The following SUGCT variants were observed in gnomAD, a reference collection of about 807,000 sequenced individuals.
SUGCT encodes the protein succinyl-CoA:glutarate-CoA transferase.
SUGCT carries 41 observed loss-of-function variants against 55.0 expected under a neutral mutation model. The ratio of observed to expected loss-of-function variants is 0.74; its 90% CI spans 0.58 to 0.97. The LOEUF (loss-of-function observed/expected upper bound fraction) is 0.97. Ranked by LOEUF, SUGCT falls within the 50% of genes least tolerant of loss-of-function variation. The pLI, the probability that SUGCT is intolerant of heterozygous loss-of-function variation, is 0.00. For synonymous variants in SUGCT, 187 were observed against 200.4 expected, an observed-to-expected ratio of 0.93 and a Z score of 0.56; for missense variants, 568 against 547.8, an observed-to-expected ratio of 1.04 and a Z score of -0.37.
the SUGCT span, among the ~76,000 whole-genome samples, chr7:40,957,468 TTTTTG>T: frequency 1.6e-5 from 2 of 124,576 alleles, no homozygotes; most frequent in East Asian, 2.3e-4. Flanking sequence ...TTTTTTTTTT[TTTTTG>T]GCTTTCCATT....
intron 11 of SUGCT, among the ~76,000 whole-genome samples, chr7:40,474,346 G>A (rs1370892321): frequency 1.3e-5 from 2 of 152,026 alleles, no homozygotes; most frequent in African/African-American, 4.8e-5. Context: ...CAGATAAACA[G>A]TTTGCCATTT....
chr7:40,330,880 TG>T (rs1489981591), intron 9 of SUGCT, among the ~76,000 whole-genome samples: 1 of 152,218 alleles, frequency 6.6e-6, no homozygotes, highest in Non-Finnish European at 1.5e-5. Flanking sequence ...TCATTTATTC[TG>T]ATGTGATTCC....
intron 6 of SUGCT, among the ~76,000 whole-genome samples, chr7:40,208,347 T>G (rs928026030): frequency 1.9e-4 from 29 of 152,190 alleles, no homozygotes; most frequent in African/African-American, 6.8e-4. Flanking sequence ...TTTTTTGTTA[T>G]GTATATTTTG....
At chr7:40,450,488 A>C (rs763450946) in intron 10 of SUGCT, among the ~76,000 whole-genome samples, 4 of 151,042 alleles carry the variant, frequency 2.6e-5, no homozygotes, top group African/African-American at 9.7e-5. Context: ...AAAGATGACT[A>C]TGAGGGCCAG....
At chr7:40,382,106 AC>A (rs1232952161) in intron 9 of SUGCT, among the ~76,000 whole-genome samples, 2 of 152,014 alleles carry the variant, frequency 1.3e-5, no homozygotes, top group Non-Finnish European at 2.9e-5. Flanking sequence ...TTCAAAAAAC[AC>A]CTATAATATT....
the SUGCT span, among the ~76,000 whole-genome samples, chr7:40,916,944 G>A: frequency 6.6e-6 from 1 of 152,156 alleles, no homozygotes; most frequent in Non-Finnish European, 1.5e-5. Flanking sequence ...GAATCTATTG[G>A]TTCAAGTAAA....
intron 12 of SUGCT, among the ~76,000 whole-genome samples, chr7:40,665,268 G>A (rs1006825009): frequency 2.0e-5 from 3 of 150,892 alleles, no homozygotes; most frequent in African/African-American, 7.4e-5. Flanking sequence ...GTGAAACCCT[G>A]TCGCTACTAA....
intron 8 of SUGCT, among the ~76,000 whole-genome samples, chr7:40,300,752 T>G (rs1356900474): frequency 6.6e-6 from 1 of 152,218 alleles, no homozygotes; most frequent in East Asian, 1.9e-4. Flanking sequence ...GTTTGTGCCA[T>G]GTGGTCTGTT....
chr7:40,417,799 G>A (rs1787089251), intron 9 of SUGCT, among the ~76,000 whole-genome samples: 2 of 151,524 alleles, frequency 1.3e-5, no homozygotes, highest in South Asian at 4.2e-4. Context: ...ATGGTATTTT[G>A]AAACATGGGT....
chr7:40,278,931 A>G (rs980360545), intron 8 of SUGCT, among the ~76,000 whole-genome samples: 1 of 151,490 alleles, frequency 6.6e-6, no homozygotes, highest in African/African-American at 2.4e-5. Context: ...GGCTCAAACA[A>G]TCCTCCTTCC....
the SUGCT span, among the ~76,000 whole-genome samples, chr7:40,998,671 T>C: frequency 6.6e-5 from 10 of 152,200 alleles, no homozygotes; most frequent in Admixed American, 4.6e-4. Flanking sequence ...GCCTAGAGTA[T>C]TGGTGTCTTC....
intron 12 of SUGCT, among the ~76,000 whole-genome samples, chr7:40,641,865 G>A (rs1800285101): frequency 6.6e-6 from 1 of 152,166 alleles, no homozygotes; most frequent in Admixed American, 6.5e-5. Flanking sequence ...TGTGACACGG[G>A]TACCTGGCTG....
At chr7:40,821,295 G>T (rs1335322722) in intron 13 of SUGCT, among the ~76,000 whole-genome samples, 1 of 152,142 alleles carries the variant, frequency 6.6e-6, no homozygotes, top group Non-Finnish European at 1.5e-5. Flanking sequence ...GAGTAGGGAG[G>T]ATTCCCTCTT....
chr7:40,179,828 C>G (rs1171756032), intron 1 of SUGCT, among the ~76,000 whole-genome samples: 2 of 152,222 alleles, frequency 1.3e-5, no homozygotes, highest in Non-Finnish European at 2.9e-5. Context: ...TATCCTGCCT[C>G]TGCTGGCATC....
intron 13 of SUGCT, among the ~76,000 whole-genome samples, chr7:40,828,956 C>T (rs1049520023): frequency 2.0e-5 from 3 of 152,078 alleles, no homozygotes; most frequent in African/African-American, 7.2e-5. Context: ...GATGGGAGAC[C>T]AGCAGGACTT....
intron 10 of SUGCT, among the ~76,000 whole-genome samples, chr7:40,453,521 T>C (rs746046811): frequency 1.3e-5 from 2 of 152,212 alleles, no homozygotes; most frequent in Non-Finnish European, 2.9e-5. Flanking sequence ...AATTAGTAAA[T>C]AGACAACTGC....
intron 9 of SUGCT, among the ~76,000 whole-genome samples, chr7:40,364,258 CTCTT>C: frequency 6.6e-6 from 1 of 152,228 alleles, no homozygotes; most frequent in Middle Eastern, 3.4e-3. Context: ...TGGGTCTTGA[CTCTT>C]TATCCAATTT....
At chr7:40,396,554 C>G (rs1037014543) in intron 9 of SUGCT, among the ~76,000 whole-genome samples, 2 of 152,118 alleles carry the variant, frequency 1.3e-5, no homozygotes, top group Admixed American at 6.6e-5. Flanking sequence ...TACATTTTTG[C>G]CGATTTACTT....
rs147051285 is a variant in SUGCT at position 40,841,908 on chromosome 7, C to G, written c.1154-18408C>G. On this transcript the variant is annotated intron_variant, in intron 13 of 13. Coordinates refer to ENST00000335693, the MANE Select transcript of SUGCT (RefSeq NM_001193313.2). ...TAATTAGTACATAAAAAATAAATGA[C>G]CATACTCAGATCCACAATGAAACTG... Among the ~76,000 whole-genome samples the G allele has an allele frequency of 7.1e-4, 108 of 152,168 alleles. 1 individual carries two copies. Among genetic ancestry groups the G allele is most frequent in the African/African-American group, 2.5e-3 (102 of 41,518 alleles).
Sources: gnomAD v4.1 joint callset for allele counts (sites outside exome capture counted in the v4.1 genomes callset) on GRCh38, gnomAD v4.1.1 for gene constraint, MANE v1.5 for transcripts, NCBI Gene and HGNC (gene_info 2026-07-23, HGNC 2026-07-21) for gene names.